ITGB8: variants seen among roughly 807,000 people sequenced by gnomAD.
ITGB8 encodes the protein integrin subunit beta 8.
ITGB8 carries 30 observed loss-of-function variants against 89.5 expected under a neutral mutation model. The ratio of observed to expected loss-of-function variants is 0.34; its 90% CI spans 0.25 to 0.45. ITGB8 has a LOEUF of 0.45. Among genes scored for constraint, ITGB8 ranks in the 20% least tolerant of loss-of-function variants. ITGB8 has a pLI of 1.00. For synonymous variants in ITGB8, 335 were observed against 320.4 expected, an observed-to-expected ratio of 1.05 and a Z score of -0.49; for missense variants, 836 against 933.3, an observed-to-expected ratio of 0.90 and a Z score of 1.36.
In ITGB8 at chr7:20,394,938, G is replaced by A. The variant is rs1236136130; in HGVS notation, c.1099G>A (p.Glu367Lys). ...GCCAGGCACCATTGCTGGTGAAATA[G>A]AATCAAAGGCTGCAAACCTCAATAA... ...LLPGTIAGEIESKAANLNNLV... is the reference protein window; with the variant it reads ...LLPGTIAGEIKSKAANLNNLV... The change falls in exon 8 of 14, where the codon GAA becomes AAA. Residue 367 changes from glutamate to lysine, a missense_variant. Physicochemically the swap from Glu to Lys is moderately conservative, Grantham distance 56 (BLOSUM62 1). Coordinates refer to ENST00000222573, the MANE Select transcript of ITGB8 (RefSeq NM_002214.3). 2 of 1,613,626 alleles carry A rather than the reference G, an allele frequency of 1.2e-6. No homozygotes were observed. Among genetic ancestry groups the A allele is most frequent in the Non-Finnish European group, 1.7e-6 (2 of 1,179,690 alleles).
At chr7:20,394,671 G>A (rs987606368) in intron 7 of ITGB8, among the ~76,000 whole-genome samples, 10 of 152,124 alleles carry the variant, frequency 6.6e-5, no homozygotes, top group African/African-American at 1.9e-4. Flanking sequence ...CAGTGATTCC[G>A]GATGCACACA....
chr7:20,331,420 T>A lies in ITGB8; in HGVS notation c.-387T>A. On this transcript the variant is annotated 5_prime_UTR_variant, in exon 1 of 14. Transcript: ENST00000222573. ...TTTGGGTTTGATTGTGTTTGGCTCT[T>A]CGCTAAGCTGATTTATGCAGCAGAA... is the stretch of plus-strand genomic sequence containing the variant. 7.4e-6 allele frequency: 3 copies of A among 404,376 alleles called. No individual in the cohort carries two copies. Among genetic ancestry groups the A allele is most frequent in the Non-Finnish European group, 1.3e-5 (3 of 231,062 alleles). 25.0% of individuals were successfully genotyped at this position (404,376 alleles called of 1,614,324 possible).
chr7:20,372,195 G>C (rs559285474), intron 3 of ITGB8, among the ~76,000 whole-genome samples: 1 of 152,040 alleles, frequency 6.6e-6, no homozygotes, highest in Non-Finnish European at 1.5e-5. Context: ...ATTATAAGTT[G>C]CATTTTTTCT....
At chr7:20,343,495 T>C (rs957518728) in intron 1 of ITGB8, among the ~76,000 whole-genome samples, 2 of 152,210 alleles carry the variant, frequency 1.3e-5, no homozygotes, top group African/African-American at 4.8e-5. Flanking sequence ...TTTGCTGTTA[T>C]TCTACAACAG....
intron 3 of ITGB8, among the ~76,000 whole-genome samples, chr7:20,374,461 T>C (rs1786053136): frequency 6.8e-6 from 1 of 147,150 alleles, no homozygotes; most frequent in Non-Finnish European, 1.5e-5. Flanking sequence ...TTACATAGAT[T>C]ACCTTATTTA....
chr7:20,371,508 G>A (rs192095388), intron 3 of ITGB8, among the ~76,000 whole-genome samples: 136 of 152,182 alleles, frequency 8.9e-4, no homozygotes, highest in Non-Finnish European at 1.6e-3. Context: ...AACCTAGAAT[G>A]TAAACTGTTT....
intron 10 of ITGB8, among the ~76,000 whole-genome samples, chr7:20,403,963 C>T (rs1298683456): frequency 6.6e-6 from 1 of 152,156 alleles, no homozygotes; most frequent in Non-Finnish European, 1.5e-5. Flanking sequence ...TTCTTCACCC[C>T]ACATGCATAA....
chr7:20,347,866 C>T (rs180930337), intron 1 of ITGB8, among the ~76,000 whole-genome samples: 1 of 152,288 alleles, frequency 6.6e-6, no homozygotes, highest in East Asian at 1.9e-4. Flanking sequence ...TAGCCAAAGA[C>T]ATAACAAGGG....
intron 12 of ITGB8, 53 bp from the exon 13 acceptor site, chr7:20,409,550 CTTGATAGACTCT>C (rs1787681958): frequency 1.8e-6 from 2 of 1,090,552 alleles, no homozygotes. Flanking sequence ...ACATTATTTA[CTTGATAGACTCT>C]TTGATTTACT....
intron 11 of ITGB8, 76 bp from the exon 12 acceptor site, chr7:20,405,982 CTTTT>C (rs201606486): frequency 1.7e-5 from 14 of 828,206 alleles, no homozygotes; most frequent in Middle Eastern, 4.5e-4. Context: ...GTTATTTTGT[CTTTT>C]TTTTTCTTGC....
Position 20,331,593 on chromosome 7 carries a change from C to A in ITGB8, c.-214C>A. On this transcript the variant is annotated 5_prime_UTR_variant, in exon 1 of 14. Coordinates refer to ENST00000222573, the MANE Select transcript of ITGB8 (RefSeq NM_002214.3). Reference sequence around the variant, plus strand: ...GCGGAGACCGCGGGACCCGCCGTGCCGAGCCGGGAGGGCCGCAGGGGCCCT... The same window carrying A: ...GCGGAGACCGCGGGACCCGCCGTGCAGAGCCGGGAGGGCCGCAGGGGCCCT... The A allele has an allele frequency of 2.0e-6, 1 of 490,350 alleles. No homozygotes were observed. Among genetic ancestry groups the A allele is most frequent in the South Asian group, 5.6e-5 (1 of 17,910 alleles). The allele number at this position is 490,350 out of a possible 1,614,324, so 30.4% of individuals were successfully genotyped here.
At chr7:20,371,950 A>G (rs1785950583) in intron 3 of ITGB8, among the ~76,000 whole-genome samples, 1 of 152,136 alleles carries the variant, frequency 6.6e-6, no homozygotes, top group Non-Finnish European at 1.5e-5. Flanking sequence ...TGTTTAGTCC[A>G]TTAGCTGTTT....
chr7:20,405,493 T>C (rs1279760388), intron 11 of ITGB8, among the ~76,000 whole-genome samples: 2 of 147,418 alleles, frequency 1.4e-5, no homozygotes, highest in African/African-American at 5.1e-5. Flanking sequence ...TTTTTTTTTG[T>C]ATTTTTAGTA....
chr7:20,331,589 G>T lies in ITGB8; in HGVS notation c.-218G>T. ...TCTCGCGGAGACCGCGGGACCCGCC[G>T]TGCCGAGCCGGGAGGGCCGCAGGGG... On this transcript the variant is annotated 5_prime_UTR_variant, in exon 1 of 14. Transcript: ENST00000222573. 4.2e-6 allele frequency: 2 copies of T among 481,066 alleles called. No individual in the cohort carries two copies. Among genetic ancestry groups the T allele is most frequent in the South Asian group, 5.7e-5 (1 of 17,558 alleles). The allele number at this position is 481,066 out of a possible 1,614,324, so 29.8% of individuals were successfully genotyped here.
chr7:20,375,281 C>T (rs950748528), intron 3 of ITGB8, among the ~76,000 whole-genome samples: 5 of 151,416 alleles, frequency 3.3e-5, no homozygotes, highest in African/African-American at 1.2e-4. Flanking sequence ...TTGGTCTTAC[C>T]TATGTTTAGT....
intron 3 of ITGB8, among the ~76,000 whole-genome samples, 199 bp from the exon 4 acceptor site, chr7:20,378,852 T>C (rs1460774969): frequency 6.6e-6 from 1 of 152,140 alleles, no homozygotes; most frequent in Non-Finnish European, 1.5e-5. Flanking sequence ...AATAAATTGG[T>C]ATGGTTTTCA....
chr7:20,353,433 C>T (rs13233253), intron 1 of ITGB8: 34,277 of 152,084 alleles, frequency 0.23, 4,882 homozygotes, highest in Non-Finnish European at 0.32. Flanking sequence ...TCAGGGGATA[C>T]TCACCTTTCA....
intron 1 of ITGB8, among the ~76,000 whole-genome samples, chr7:20,341,897 A>G (rs1239584025): frequency 6.6e-6 from 1 of 152,094 alleles, no homozygotes; most frequent in African/African-American, 2.4e-5. Context: ...GTTAAAAAAA[A>G]AAAAAAAGAT....
At chr7:20,353,729 C>G (rs868567685) in intron 1 of ITGB8, among the ~76,000 whole-genome samples, 1 of 146,950 alleles carries the variant, frequency 6.8e-6, no homozygotes, top group African/African-American at 2.7e-5. Flanking sequence ...GTCAGGAGAT[C>G]GAGACCATCC....
Sources: gnomAD v4.1 joint callset for allele counts (sites outside exome capture counted in the v4.1 genomes callset) on GRCh38, gnomAD v4.1.1 for gene constraint, MANE v1.5 for transcripts, NCBI Gene and HGNC (gene_info 2026-07-23, HGNC 2026-07-21) for gene names.